The following HPSE2 variants were observed in gnomAD, a reference collection of about 807,000 sequenced individuals.
The protein encoded by HPSE2 is inactive heparanase-2.
In HPSE2, 38 loss-of-function variants were observed where a neutral mutation model predicts 60.5. The ratio of observed to expected loss-of-function variants is 0.63; its 90% CI spans 0.48 to 0.82. The LOEUF (loss-of-function observed/expected upper bound fraction) is 0.82, where lower values mean the gene tolerates loss of function less well. Among genes scored for constraint, HPSE2 ranks in the 40% least tolerant of loss-of-function variants. The probability of loss-of-function intolerance (pLI) is 0.00; values close to 1 mark genes in which losing one functional copy is unlikely to be tolerated. For synonymous variants in HPSE2, 295 were observed against 293.2 expected (o/e 1.01, Z -0.06); for missense variants, 713 against 740.4 (o/e 0.96, Z 0.43).
At chr10:99,113,459 A>C (rs1206381783) in intron 3 of HPSE2, among the ~76,000 whole-genome samples, 2 of 152,202 alleles carry the variant, frequency 1.3e-5, no homozygotes, top group African/African-American at 4.8e-5. Flanking sequence ...TATATCATTC[A>C]TATATACATA....
At chr10:98,974,796 T>C (rs556418110) in intron 3 of HPSE2, among the ~76,000 whole-genome samples, 2 of 152,284 alleles carry the variant, frequency 1.3e-5, no homozygotes, top group South Asian at 4.1e-4. Flanking sequence ...TCCCTTTTGT[T>C]GTTAATAAAT....
At chr10:99,056,086 G>T (rs1310856283) in intron 3 of HPSE2, among the ~76,000 whole-genome samples, 12 of 151,180 alleles carry the variant, frequency 7.9e-5, no homozygotes, top group Admixed American at 7.9e-4. Flanking sequence ...AAGACTTTAA[G>T]AACACAAATT....
chr10:98,949,358 C>T (rs140824892), intron 3 of HPSE2, among the ~76,000 whole-genome samples: 28 of 152,160 alleles, frequency 1.8e-4, no homozygotes, highest in African/African-American at 6.3e-4. Context: ...CAAGGTGGGC[C>T]AATCAGTATT....
intron 2 of HPSE2, among the ~76,000 whole-genome samples, chr10:99,183,169 C>T (rs1031701353): frequency 6.6e-6 from 1 of 152,010 alleles, no homozygotes; most frequent in Non-Finnish European, 1.5e-5. Context: ...AGTAGTCTTA[C>T]TGAGTCAAGG....
chr10:99,032,540 C>A (rs907873762), intron 3 of HPSE2, among the ~76,000 whole-genome samples: 4 of 152,024 alleles, frequency 2.6e-5, no homozygotes, highest in African/African-American at 9.7e-5. Context: ...TTTTTAAAAC[C>A]TATAGCGGAT....
chr10:98,919,859 G>C (rs923111755), intron 3 of HPSE2, among the ~76,000 whole-genome samples: 1 of 152,062 alleles, frequency 6.6e-6, no homozygotes, highest in Non-Finnish European at 1.5e-5. Flanking sequence ...TTTACTTTTA[G>C]GAAAAAAATA....
At position 98,614,972 on chromosome 10, in the gene HPSE2, C is replaced by T. The variant is rs562588688; in HGVS notation, c.1252G>A (p.Val418Met). The change falls in exon 9 of 12, where the codon GTG becomes ATG. Residue 418 changes from valine (V) to methionine (M), a missense_variant. Coordinates refer to ENST00000370552, the MANE Select transcript of HPSE2 (RefSeq NM_021828.5). ...TGGTCAAAAAATGAGTGCCGTATCA[C>T]GACATCAATGCCCTGATTGGCCAGC... is the stretch of plus-strand genomic sequence containing the variant. ...GMLANQGIDV[V>M]IRHSFFDHGY... is the part of the protein sequence containing the mutation. 16 of 1,614,026 alleles carry T rather than the reference C, an allele frequency of 9.9e-6. No homozygotes were observed. Among genetic ancestry groups the T allele is most frequent in the Middle Eastern group, 3.3e-4 (2 of 6,060 alleles).
intron 3 of HPSE2, among the ~76,000 whole-genome samples, chr10:98,883,719 G>A (rs1359244147): frequency 6.6e-6 from 1 of 152,068 alleles, no homozygotes; most frequent in Non-Finnish European, 1.5e-5. Flanking sequence ...CTGGAGGATT[G>A]CTTGAGCCTA....
chr10:99,242,352 T>C, the HPSE2 span, among the ~76,000 whole-genome samples: 17 of 152,326 alleles, frequency 1.1e-4, no homozygotes, highest in South Asian at 2.9e-3. Context: ...ATAACTGTGA[T>C]TGCTCCACCT....
intron 3 of HPSE2, among the ~76,000 whole-genome samples, chr10:98,870,127 G>A (rs931606367): frequency 1.3e-5 from 2 of 152,148 alleles, no homozygotes; most frequent in African/African-American, 4.8e-5. Context: ...AAAGATGTCA[G>A]AAAATAACAA....
chr10:98,899,595 A>G (rs1564641722), intron 3 of HPSE2, among the ~76,000 whole-genome samples: 1 of 152,170 alleles, frequency 6.6e-6, no homozygotes, highest in East Asian at 1.9e-4. Context: ...GAAAATGTAA[A>G]TTAAAACCAG....
At chr10:98,893,999 T>C (rs906992926) in intron 3 of HPSE2, among the ~76,000 whole-genome samples, 7 of 151,922 alleles carry the variant, frequency 4.6e-5, no homozygotes, top group East Asian at 1.9e-4. Flanking sequence ...AATGGACAGA[T>C]GGAAAGAAAA....
intron 3 of HPSE2, among the ~76,000 whole-genome samples, chr10:98,826,387 G>C (rs545268396): frequency 4.4e-4 from 67 of 152,288 alleles, no homozygotes; most frequent in African/African-American, 1.6e-3. Context: ...AGAAGGCATT[G>C]ACAAGACTAA....
intron 3 of HPSE2, among the ~76,000 whole-genome samples, chr10:99,010,526 T>G (rs1034326682): frequency 6.6e-6 from 1 of 152,176 alleles, no homozygotes; most frequent in Admixed American, 6.5e-5. Context: ...AAGAACTTGT[T>G]TTTAGAGGCA....
chr10:98,559,340 T>A (rs147851798), intron 9 of HPSE2, among the ~76,000 whole-genome samples: 103 of 152,282 alleles, frequency 6.8e-4, no homozygotes, highest in African/African-American at 2.3e-3. Context: ...GTCTATTGGT[T>A]CTTTAACTCA....
At chr10:98,923,358 T>G (rs953909752) in intron 3 of HPSE2, among the ~76,000 whole-genome samples, 2 of 152,214 alleles carry the variant, frequency 1.3e-5, no homozygotes, top group African/African-American at 4.8e-5. Context: ...GATTATTAAA[T>G]GCCTTGGGGT....
intron 2 of HPSE2, among the ~76,000 whole-genome samples, chr10:99,153,159 G>C (rs1251260498): frequency 1.3e-5 from 2 of 152,212 alleles, no homozygotes; most frequent in Non-Finnish European, 2.9e-5. Flanking sequence ...CTGCAAGGCA[G>C]CAGCGAGGCT....
intron 2 of HPSE2, among the ~76,000 whole-genome samples, chr10:99,145,894 T>C (rs560082508): frequency 1.3e-5 from 2 of 152,282 alleles, no homozygotes; most frequent in African/African-American, 4.8e-5. Flanking sequence ...AGTTAGGATG[T>C]GTGGCACACA....
At chr10:99,044,348 T>C (rs1465430798) in intron 3 of HPSE2, among the ~76,000 whole-genome samples, 4 of 152,202 alleles carry the variant, frequency 2.6e-5, no homozygotes, top group Non-Finnish European at 5.9e-5. Flanking sequence ...CAAGAGGTCC[T>C]TAAGGGCATG....
Sources: gnomAD v4.1 joint callset for allele counts (sites outside exome capture counted in the v4.1 genomes callset) on GRCh38, gnomAD v4.1.1 for gene constraint, MANE v1.5 for transcripts, NCBI Gene and HGNC (gene_info 2026-07-23, HGNC 2026-07-21) for gene names.